The following WDFY3 variants were observed in gnomAD, a reference collection of about 807,000 sequenced individuals.
WDFY3 encodes WD repeat and FYVE domain containing 3.
Under a neutral mutation model 409.6 loss-of-function variants are expected in WDFY3, and 66 were observed. The ratio of observed to expected loss-of-function variants is 0.16; its 90% CI spans 0.13 to 0.20. The LOEUF (loss-of-function observed/expected upper bound fraction) is 0.20. Ranked by LOEUF, WDFY3 falls within the 10% of genes least tolerant of loss-of-function variation. WDFY3 has a pLI of 1.00. For missense variants in WDFY3, 3,031 were observed against 4,298.1 expected (o/e 0.71, Z 8.24); for synonymous variants, 1,521 against 1,537.1 (o/e 0.99, Z 0.25).
At chr4:84,844,289 T>C (rs189678594) in intron 5 of WDFY3, among the ~76,000 whole-genome samples, 7 of 152,326 alleles carry the variant, frequency 4.6e-5, no homozygotes, top group African/African-American at 1.7e-4. Context: ...GTCACATTAA[T>C]GGTATTATTA....
At position 84,712,645 on chromosome 4, in the gene WDFY3, C is replaced by T. The variant is rs866656128; in HGVS notation, c.8042+514G>A. On this transcript the variant is annotated intron_variant, in intron 51 of 67. Transcript: ENST00000295888. ...CTGAGGCAGGAGAATCGCCATGAACCCAGGAGGTTGCAGTGAGCCAAGACG... is the reference window on the plus strand; with the variant it reads ...CTGAGGCAGGAGAATCGCCATGAACTCAGGAGGTTGCAGTGAGCCAAGACG... Among the ~76,000 whole-genome samples, 5 of 150,956 alleles carry T rather than the reference C, an allele frequency of 3.3e-5. No individual in the cohort carries two copies. The South Asian group carries it at 6.3e-4, about 19-fold the overall frequency.
chr4:84,843,393 C>T (rs994270886), intron 5 of WDFY3, among the ~76,000 whole-genome samples: 12 of 152,072 alleles, frequency 7.9e-5, no homozygotes, highest in African/African-American at 2.9e-4. Context: ...TCAAAGGCAT[C>T]TCCCACTTTT....
chr4:84,792,569 T>G (rs1578539599), intron 21 of WDFY3, among the ~76,000 whole-genome samples: 1 of 152,280 alleles, frequency 6.6e-6, no homozygotes, highest in East Asian at 1.9e-4. Flanking sequence ...ACTCCTAATC[T>G]CCTAGGCATC....
chr4:84,803,632 G>C (rs957809562), intron 15 of WDFY3, among the ~76,000 whole-genome samples, 165 bp from the exon 16 acceptor site: 2 of 152,094 alleles, frequency 1.3e-5, no homozygotes, highest in Non-Finnish European at 2.9e-5. Flanking sequence ...ATGTGTGTGT[G>C]TCCGCATGTG....
chr4:84,784,708 C>T (rs1747153832), intron 24 of WDFY3, among the ~76,000 whole-genome samples: 1 of 151,036 alleles, frequency 6.6e-6, no homozygotes, highest in Non-Finnish European at 1.5e-5. Flanking sequence ...CATGGTGGTG[C>T]ATGCCTATAA....
At chr4:84,799,113 A>G (rs1750025836) in intron 17 of WDFY3, among the ~76,000 whole-genome samples, 1 of 151,852 alleles carries the variant, frequency 6.6e-6, no homozygotes, top group African/African-American at 2.4e-5. Flanking sequence ...TTACTTTTTC[A>G]CCTGATTAAC....
chr4:84,845,086 C>T (rs1757904585), intron 5 of WDFY3, among the ~76,000 whole-genome samples: 1 of 152,114 alleles, frequency 6.6e-6, no homozygotes, highest in African/African-American at 2.4e-5. Context: ...ACTGAGATAT[C>T]TACAGCCCAT....
chr4:84,780,351 A>T (rs1403820402), intron 25 of WDFY3, 53 bp from the exon 26 acceptor site: 1 of 1,511,210 alleles, frequency 6.6e-7, no homozygotes, highest in East Asian at 2.3e-5. Flanking sequence ...TGTGAACAAG[A>T]ACTGTATACA....
chr4:84,733,550 C>A lies in WDFY3; in HGVS notation c.7053G>T (p.Leu2351=). 6.2e-7 allele frequency: 1 copy of A among 1,614,188 alleles called. No individual in the cohort carries two copies. Among genetic ancestry groups the A allele is most frequent in the East Asian group, 2.2e-5 (1 of 44,874 alleles). Reference sequence around the variant, plus strand: ...GGCCCCACAGCCCCCGCTCCCTCAACAGCTCGCACTCGATCTGACACCACT... The same window carrying A: ...GGCCCCACAGCCCCCGCTCCCTCAAAAGCTCGCACTCGATCTGACACCACT... The part of the protein sequence containing the change: ...TEEWCQIECE[L]LRERGLWGPP... Residue 2351 remains leucine (L), a synonymous_variant, in exon 44 of 68, where the codon CTG becomes CTT. Coordinates refer to ENST00000295888, the MANE Select transcript of WDFY3 (RefSeq NM_014991.6).
At chr4:84,721,985 T>C (rs1207905868) in intron 46 of WDFY3, among the ~76,000 whole-genome samples, 4 of 152,210 alleles carry the variant, frequency 2.6e-5, no homozygotes, top group Non-Finnish European at 2.9e-5. Flanking sequence ...GTAATGATGA[T>C]AACAGAAAGC....
At position 84,888,360 on chromosome 4, in the gene WDFY3, G is replaced by C. The variant is rs568710051; in HGVS notation, c.-32+8551C>G. 1.3e-5 allele frequency among the ~76,000 whole-genome samples: 2 copies of C among 152,206 alleles called. 1 individual carries two copies. The highest frequency in any genetic ancestry group is 4.1e-4 in the South Asian group (2 of 4,820). Reference sequence around the variant, plus strand: ...TTCCAGATTATAGTAAACTATGATTGTGACTATTAGCAATTAAACACAGCA... The same window carrying C: ...TTCCAGATTATAGTAAACTATGATTCTGACTATTAGCAATTAAACACAGCA... On this transcript the variant is annotated intron_variant, in intron 3 of 67. Transcript: ENST00000295888.
intron 4 of WDFY3, among the ~76,000 whole-genome samples, chr4:84,851,542 A>G (rs1759005968): frequency 6.6e-6 from 1 of 152,174 alleles, no homozygotes; most frequent in Non-Finnish European, 1.5e-5. Flanking sequence ...AAAACAAAAC[A>G]AACAAGCAAA....
At chr4:84,892,859 C>G (rs1765131433) in intron 3 of WDFY3, among the ~76,000 whole-genome samples, 1 of 152,128 alleles carries the variant, frequency 6.6e-6, no homozygotes, top group Non-Finnish European at 1.5e-5. Context: ...TAGAATGTTC[C>G]CAGGGTTGCT....
At chr4:84,851,816 C>G (rs1283677639) in intron 4 of WDFY3, among the ~76,000 whole-genome samples, 1 of 152,042 alleles carries the variant, frequency 6.6e-6, no homozygotes, top group African/African-American at 2.4e-5. Flanking sequence ...TGCCTGAAAC[C>G]ACGGATAGTA....
At chr4:84,714,743 G>C (rs554043537) in intron 50 of WDFY3, among the ~76,000 whole-genome samples, 4 of 152,116 alleles carry the variant, frequency 2.6e-5, no homozygotes, top group Non-Finnish European at 5.9e-5. Context: ...AAGGTCAAGA[G>C]ATCGAGACCA....
intron 61 of WDFY3, among the ~76,000 whole-genome samples, chr4:84,690,232 G>C (rs1729029441): frequency 6.6e-6 from 1 of 152,062 alleles, no homozygotes; most frequent in Non-Finnish European, 1.5e-5. Flanking sequence ...TTAGACTTTT[G>C]CATTTATATT....
Position 84,677,235 on chromosome 4 carries a change from T to A in WDFY3, c.10421A>T (p.His3474Leu). ...SVRFSLTERRHHCRNCGQLFC... is the reference protein window; with the variant it reads ...SVRFSLTERRLHCRNCGQLFC... ...GAGCTGACCACAGTTCCTGCAATGGTGTCGTCTTTCTGTGAGTGAAAACCT... is the reference window on the plus strand; with the variant it reads ...GAGCTGACCACAGTTCCTGCAATGGAGTCGTCTTTCTGTGAGTGAAAACCT... Residue 3474 changes from histidine (H) to leucine (L), a missense_variant, in exon 67 of 68, where the codon CAC (histidine) becomes CTC (leucine). His to Leu is a moderately conservative substitution (Grantham distance 99). Around this residue, in one of 16 missense-constraint regions of WDFY3, gnomAD observed 378 missense variants for 477.3 expected, o/e 0.79. Transcript: ENST00000295888. 6.2e-7 allele frequency: 1 copy of A among 1,614,210 alleles called. No individual in the cohort carries two copies. The highest frequency in any genetic ancestry group is 8.5e-7 in the Non-Finnish European group (1 of 1,180,028).
intron 18 of WDFY3, among the ~76,000 whole-genome samples, chr4:84,797,273 C>T (rs114715229): frequency 0.02 from 3,099 of 151,954 alleles, 41 homozygotes; most frequent in Non-Finnish European, 0.027. Flanking sequence ...AATGCATGAT[C>T]GTAAAAGTAC....
At chr4:84,895,306 T>C (rs886488640) in intron 3 of WDFY3, among the ~76,000 whole-genome samples, 8 of 152,090 alleles carry the variant, frequency 5.3e-5, no homozygotes, top group Non-Finnish European at 1.2e-4. Flanking sequence ...TTATAATGAA[T>C]AATAAAAAAT....
Sources: allele counts gnomAD v4.1 joint callset (sites outside exome capture counted in the v4.1 genomes callset), GRCh38; gene constraint gnomAD v4.1.1; regional missense constraint gnomAD v4.1.1; transcripts MANE v1.5; gene names NCBI Gene and HGNC (gene_info 2026-07-23, HGNC 2026-07-21).